The following MACF1 variants were observed in gnomAD, a reference collection of about 807,000 sequenced individuals.
MACF1 encodes the protein microtubule actin crosslinking factor 1, also known as microtubule-actin cross-linking factor 1.
MACF1 carries 193 observed loss-of-function variants against 854.8 expected under a neutral mutation model. That is an observed-to-expected ratio of 0.23 (90% CI 0.20 to 0.25). The LOEUF is 0.25. Among genes scored for constraint, MACF1 ranks in the 10% least tolerant of loss-of-function variants. The pLI is 1.00. For missense variants in MACF1, 7,722 were observed against 8,929.1 expected (o/e 0.86, Z 5.45); for synonymous variants, 3,185 against 3,226.7 (o/e 0.99, Z 0.44).
chr1:39,115,563 C>T (rs536171837), intron 2 of MACF1, among the ~76,000 whole-genome samples: 3 of 151,842 alleles, frequency 2.0e-5, no homozygotes, highest in Non-Finnish European at 4.4e-5. Flanking sequence ...ACATTGCGGT[C>T]GAGGCTTCTG....
intron 2 of MACF1, among the ~76,000 whole-genome samples, chr1:39,100,614 G>T (rs1642045268): frequency 6.6e-6 from 1 of 152,196 alleles, no homozygotes. Flanking sequence ...AGAACTTTGG[G>T]AGGCTGAGGT....
chr1:39,313,806 G>C (rs908103877), intron 26 of MACF1, among the ~76,000 whole-genome samples: 2 of 151,754 alleles, frequency 1.3e-5, no homozygotes, highest in East Asian at 1.9e-4. Context: ...ATAGAGATGA[G>C]GTCTCACTAT....
intron 100 of MACF1, chr1:39,485,251 C>T (rs1645083038): frequency 2.5e-6 from 1 of 397,210 alleles, no homozygotes; most frequent in Non-Finnish European, 4.5e-6. Context: ...GCTCACCCAC[C>T]TGTGCTGAGG....
intron 58 of MACF1, among the ~76,000 whole-genome samples, chr1:39,390,759 C>T (rs1468068438): frequency 6.6e-6 from 1 of 152,116 alleles, no homozygotes; most frequent in Non-Finnish European, 1.5e-5. Flanking sequence ...ACCATCTAAC[C>T]AACTCAATGA....
chr1:39,135,006 T>G (rs1179253660), intron 2 of MACF1, among the ~76,000 whole-genome samples: 2 of 152,220 alleles, frequency 1.3e-5, no homozygotes, highest in Non-Finnish European at 2.9e-5. Context: ...ATTTGACTAC[T>G]CTATGTACTT....
At position 39,258,047 on chromosome 1, in the gene MACF1, G is replaced by C; in HGVS notation, c.528+19G>C. On this transcript the variant is annotated intron_variant, in intron 6 of 100. Coordinates refer to ENST00000564288, the MANE Select transcript of MACF1 (RefSeq NM_001394062.1). ...TTTCCAGGTAGGGCATGTGAAGTTT[G>C]GAATTCCTGTTGCTTTGTTTGGACA... The C allele has an allele frequency of 6.3e-7, 1 of 1,599,914 alleles. No individual in the cohort carries two copies. The highest frequency in any genetic ancestry group is 8.6e-7 in the Non-Finnish European group (1 of 1,167,094).
chr1:39,085,005 T>C (rs1171640529), intron 2 of MACF1, among the ~76,000 whole-genome samples: 1 of 152,208 alleles, frequency 6.6e-6, no homozygotes, highest in African/African-American at 2.4e-5. Flanking sequence ...TGCTGACCTT[T>C]CACACGACGT....
Position 39,315,550 on chromosome 1 carries a change from T to G in MACF1, c.3308T>G (p.Leu1103Trp). The G allele has an allele frequency of 1.9e-6, 3 of 1,614,158 alleles. No individual in the cohort carries two copies. Among genetic ancestry groups the G allele is most frequent in the Non-Finnish European group, 1.7e-6 (2 of 1,180,006 alleles). ...GATTTACAGCAATTGAGGTCAGACT[T>G]GGATGCAGTTTCTATGAAATGTGAC... The part of the protein sequence containing the change: ...QEDLQQLRSD[L>W]DAVSMKCDSF... The change falls in exon 27 of 101, where the codon TTG becomes TGG. Residue 1103 changes from leucine to tryptophan, a missense_variant. Physicochemically the swap from Leu to Trp is moderately conservative, Grantham distance 61. Coordinates refer to ENST00000564288, the MANE Select transcript of MACF1 (RefSeq NM_001394062.1).
chr1:39,331,875 G>A lies in MACF1; in HGVS notation c.5287G>A (p.Val1763Ile). ...QEGLIDRQVTVRLLEAQLFAG... is the reference protein window; with the variant it reads ...QEGLIDRQVTIRLLEAQLFAG... ...AGGGCTAATAGATAGGCAGGTCACT[G>A]TCCGGTTGCTGGAAGCTCAGCTTTT... Residue 1763 changes from valine (V) to isoleucine (I), a missense_variant, in exon 37 of 101, where the codon GTC (valine) becomes ATC (isoleucine). Physicochemically the swap from Val to Ile is conservative, Grantham distance 29. Coordinates refer to ENST00000564288, the MANE Select transcript of MACF1 (RefSeq NM_001394062.1). 1 of 1,614,184 alleles carries A rather than the reference G, an allele frequency of 6.2e-7. No individual in the cohort carries two copies. Among genetic ancestry groups the A allele is most frequent in the Admixed American group, 1.7e-5 (1 of 60,020 alleles).
chr1:39,427,200 T>C (rs1318742314), intron 61 of MACF1, among the ~76,000 whole-genome samples: 1 of 152,172 alleles, frequency 6.6e-6, no homozygotes. Flanking sequence ...CTTTCTCTTT[T>C]ATAATAGGGG....
Position 39,291,964 on chromosome 1 carries a change from C to T in MACF1, c.1840C>T (p.Leu614=), listed in dbSNP as rs141659809. 3.5e-5 allele frequency: 56 copies of T among 1,614,010 alleles called. No homozygotes were observed. The highest frequency in any genetic ancestry group is 3.3e-4 in the Middle Eastern group (2 of 6,062). The change falls in exon 16 of 101, where the codon CTA becomes TTA. Residue 614 remains leucine (L), a synonymous_variant. Coordinates refer to ENST00000564288, the MANE Select transcript of MACF1 (RefSeq NM_001394062.1). ...TGACCTGCCTAGTGTGGAGTTGCAG[C>T]TAGAAACACAGCAGCACATCCATAC... The part of the protein sequence containing the change: ...GNDLPSVELQ[L]ETQQHIHTSV...
In MACF1 at chr1:39,315,647, G is replaced by T; in HGVS notation, c.3405G>T (p.Glu1135Asp). ...GCTCAGAACTGAATCTGCTGGTGGA[G>T]AAGATGGACCATGTCTATGGTCTCT... ...TLRSELNLLV[E>D]KMDHVYGLST... The change falls in exon 27 of 101, where the codon GAG becomes GAT. Residue 1135 changes from glutamate to aspartate, a missense_variant. Coordinates refer to ENST00000564288, the MANE Select transcript of MACF1 (RefSeq NM_001394062.1). 1 of 1,614,162 alleles carries T rather than the reference G, an allele frequency of 6.2e-7. No individual in the cohort carries two copies.
At chr1:39,348,084 C>CA (rs1647097015) in intron 41 of MACF1, among the ~76,000 whole-genome samples, 1 of 152,000 alleles carries the variant, frequency 6.6e-6, no homozygotes, top group Non-Finnish European at 1.5e-5. Flanking sequence ...AAATGTTGTG[C>CA]AAAAAATTGA....
chr1:39,452,206 G>A lies in MACF1; in HGVS notation c.20469G>A (p.Lys6823=). ...GAACAGGAACCGTTCAGGTCCTGAAGCGGTCAGGCCGAGAGCTGATTGAGA... is the reference window on the plus strand; with the variant it reads ...GAACAGGAACCGTTCAGGTCCTGAAACGGTCAGGCCGAGAGCTGATTGAGA... The part of the protein sequence containing the change: ...GKRTGTVQVL[K]RSGRELIENS... Residue 6823 remains lysine, a synonymous_variant, in exon 86 of 101, where the codon AAG becomes AAA. Coordinates refer to ENST00000564288, the MANE Select transcript of MACF1 (RefSeq NM_001394062.1). 2 of 1,614,108 alleles carry A rather than the reference G, an allele frequency of 1.2e-6. No homozygotes were observed. The highest frequency in any genetic ancestry group is 1.7e-6 in the Non-Finnish European group (2 of 1,179,980).
At chr1:39,293,846 G>A (rs1645845137) in intron 18 of MACF1, among the ~76,000 whole-genome samples, 1 of 152,072 alleles carries the variant, frequency 6.6e-6, no homozygotes, top group South Asian at 2.1e-4. Context: ...TGTCTTGGGT[G>A]AATAGAGCAG....
intron 5 of MACF1, chr1:39,257,703 G>A (rs1333716576): frequency 2.4e-5 from 11 of 461,820 alleles, no homozygotes; most frequent in Non-Finnish European, 3.9e-5. Flanking sequence ...TCAGGAATTA[G>A]GGGTGAGAGT....
At chr1:39,327,898 T>C (rs557181209) in intron 36 of MACF1, among the ~76,000 whole-genome samples, 27 of 152,310 alleles carry the variant, frequency 1.8e-4, no homozygotes, top group African/African-American at 6.5e-4. Flanking sequence ...TCCTGGACCA[T>C]GTGAAAGTCA....
intron 2 of MACF1, among the ~76,000 whole-genome samples, chr1:39,238,430 T>C (rs539897027): frequency 2.6e-5 from 4 of 152,334 alleles, no homozygotes; most frequent in Non-Finnish European, 4.4e-5. Context: ...CCCAGAGGGT[T>C]CTATTGCAGT....
At chr1:39,088,905 A>G (rs916151375) in intron 2 of MACF1, among the ~76,000 whole-genome samples, 19 of 152,224 alleles carry the variant, frequency 1.2e-4, no homozygotes, top group African/African-American at 2.7e-4. Flanking sequence ...AGAAGGGCTC[A>G]TGTTTGGGCT....
Sources: gnomAD v4.1 joint callset for allele counts (sites outside exome capture counted in the v4.1 genomes callset) on GRCh38, gnomAD v4.1.1 for gene constraint, MANE v1.5 for transcripts, NCBI Gene and HGNC (gene_info 2026-07-23, HGNC 2026-07-21) for gene names.